B4GALNT3: variants seen among roughly 807,000 people sequenced by gnomAD.
B4GALNT3 encodes the protein beta-1,4-N-acetylgalactosaminyltransferase 3.
In B4GALNT3, 86 loss-of-function variants were observed where a neutral mutation model predicts 120.2. That is an observed-to-expected ratio of 0.72 (90% confidence interval 0.60 to 0.86). The LOEUF (loss-of-function observed/expected upper bound fraction) is 0.86, where lower values mean the gene tolerates loss of function less well. B4GALNT3 is among the 40% of genes least tolerant of loss of function. The pLI is 0.00. For missense variants in B4GALNT3, 1,167 were observed against 1,298.9 expected (o/e 0.90, Z 1.56); for synonymous variants, 518 against 510.4 (o/e 1.01, Z -0.20).
At position 544,215 on chromosome 12, in the gene B4GALNT3, GT is replaced by G. The variant is rs1380626697; in HGVS notation, c.352-123del. ...GCTGAGGCTCTGGGGAGGGCATGGG[GT>G]GCTCATCCTCCTGGAGCTGAGGGTC... On this transcript the variant is annotated intron_variant, in intron 3 of 19. Coordinates refer to ENST00000266383, the MANE Select transcript of B4GALNT3 (RefSeq NM_173593.4). 6.8e-5 allele frequency: 54 copies of G among 796,336 alleles called. No individual in the cohort carries two copies. In the Middle Eastern group the frequency reaches 1.0e-3, roughly 15 times the overall value. 49.3% of individuals were successfully genotyped at this position (796,336 alleles called of 1,614,324 possible).
chr12:550,697 C>T lies in B4GALNT3; in HGVS notation c.998-225C>T, dbSNP rs919073342. ...CAGTGACTCTAAGATCAAACGGTGC[C>T]TTGTACCTGGGGCTGTGTGCTGAGT... On this transcript the variant is annotated intron_variant, in intron 10 of 19. Transcript: ENST00000266383. The surrounding 1 kb of genome is among the most constrained non-coding windows in gnomAD (Gnocchi z 4.1). 3.9e-5 allele frequency among the ~76,000 whole-genome samples: 6 copies of T among 152,138 alleles called. No homozygotes were observed. The highest frequency in any genetic ancestry group is 5.9e-5 in the Non-Finnish European group (4 of 68,022).
chr12:542,940 A>G (rs1024715430), intron 3 of B4GALNT3, among the ~76,000 whole-genome samples: 8 of 151,940 alleles, frequency 5.3e-5, no homozygotes, highest in Admixed American at 4.6e-4. Flanking sequence ...ATAAGGTTTC[A>G]CCGGCAGACA....
intron 3 of B4GALNT3, among the ~76,000 whole-genome samples, chr12:537,017 A>C (rs1427387898): frequency 6.6e-6 from 1 of 152,248 alleles, no homozygotes; most frequent in Non-Finnish European, 1.5e-5. Context: ...AATGTACATT[A>C]GCATATGAAA....
At chr12:555,987 A>G (rs7315429) in intron 14 of B4GALNT3, among the ~76,000 whole-genome samples, 29,235 of 149,764 alleles carry the variant, frequency 0.2, 4,697 homozygotes, top group African/African-American at 0.44. Context: ...GTTTCACCAT[A>G]TTAGCCAGGC....
At chr12:512,276 C>CCTTCCACCTT (rs1592032989) in intron 1 of B4GALNT3, among the ~76,000 whole-genome samples, 1 of 101,164 alleles carries the variant, frequency 9.9e-6, no homozygotes, top group African/African-American at 5.4e-5. Context: ...CCTTCTTCCA[C>CCTTCCACCTT]CTTCCACCTT....
intron 1 of B4GALNT3, among the ~76,000 whole-genome samples, chr12:488,696 T>G (rs1042473933): frequency 1.3e-5 from 2 of 152,098 alleles, no homozygotes; most frequent in African/African-American, 4.8e-5. Flanking sequence ...GGCACATGCA[T>G]GTAGCTCCAG....
At chr12:476,351 G>C (rs532249998) in intron 1 of B4GALNT3, among the ~76,000 whole-genome samples, 1 of 152,302 alleles carries the variant, frequency 6.6e-6, no homozygotes, top group East Asian at 1.9e-4. Context: ...TTAGAGGTTA[G>C]AGGCTGAGGT....
At position 544,452 on chromosome 12, in the gene B4GALNT3, G is replaced by C. The variant is rs936151950; in HGVS notation, c.447+18G>C. ...ACCCCCATGTGAGTGCCTGAGGGCT[G>C]CCTTGCCCACCTCCCTCCACACCTG... On this transcript the variant is annotated intron_variant, in intron 4 of 19. Coordinates refer to ENST00000266383, the MANE Select transcript of B4GALNT3 (RefSeq NM_173593.4). The C allele has an allele frequency of 1.9e-6, 3 of 1,608,256 alleles. No homozygotes were observed. The highest frequency in any genetic ancestry group is 1.7e-5 in the Admixed American group (1 of 59,942).
Position 539,611 on chromosome 12 carries a change from G to T in B4GALNT3, c.351+3316G>T, listed in dbSNP as rs181169221. Among the ~76,000 whole-genome samples, 147 of 151,742 alleles carry T rather than the reference G, an allele frequency of 9.7e-4. 1 individual carries two copies. Among genetic ancestry groups the T allele is most frequent in the African/African-American group, 3.3e-3 (135 of 41,308 alleles). On this transcript the variant is annotated intron_variant, in intron 3 of 19. Coordinates refer to ENST00000266383, the MANE Select transcript of B4GALNT3 (RefSeq NM_173593.4). The stretch of plus-strand genomic sequence containing the variant: ...ACCATACACTTCACCCATACACTTC[G>T]TTTAAAGTGTACAATTCAAGGCTGG...
At chr12:552,419 A>C in intron 12 of B4GALNT3, 48 bp from the exon 13 acceptor site, 86 of 1,569,916 alleles carry the variant, frequency 5.5e-5, no homozygotes, top group Non-Finnish European at 7.4e-5. Flanking sequence ...GCCAGGGCTG[A>C]GCCCGCCATG....
At chr12:513,265 T>C (rs1946617291) in intron 1 of B4GALNT3, among the ~76,000 whole-genome samples, 1 of 152,212 alleles carries the variant, frequency 6.6e-6, no homozygotes, top group Non-Finnish European at 1.5e-5. Context: ...AGGGCAAATC[T>C]GTAGAGTAAA....
At position 557,679 on chromosome 12, in the gene B4GALNT3, C is replaced by G; in HGVS notation, c.2452C>G (p.Pro818Ala). 6.2e-7 allele frequency: 1 copy of G among 1,609,664 alleles called. No homozygotes were observed. Among genetic ancestry groups the G allele is most frequent in the East Asian group, 2.2e-5 (1 of 44,742 alleles). Reference sequence around the variant, plus strand: ...AAACCTGTTCCAGGTCACCGGTGACCCACACTTCAACATCGTCATCACTGA... The same window carrying G: ...AAACCTGTTCCAGGTCACCGGTGACGCACACTTCAACATCGTCATCACTGA... ...MENLFQVTGD[P>A]HFNIVITDYS... Residue 818 changes from proline (P) to alanine (A), a missense_variant, in exon 16 of 20, where the codon CCA (proline) becomes GCA (alanine). Coordinates refer to ENST00000266383, the MANE Select transcript of B4GALNT3 (RefSeq NM_173593.4).
chr12:527,755 G>A (rs1946770450), intron 1 of B4GALNT3, among the ~76,000 whole-genome samples: 1 of 152,194 alleles, frequency 6.6e-6, no homozygotes, highest in Non-Finnish European at 1.5e-5. Flanking sequence ...GAGCTTGGGA[G>A]CCAGGAAGAG....
At chr12:529,563 T>C (rs1946787811) in intron 1 of B4GALNT3, among the ~76,000 whole-genome samples, 1 of 152,248 alleles carries the variant, frequency 6.6e-6, no homozygotes, top group African/African-American at 2.4e-5. Context: ...TGGAGATATA[T>C]ATCGGGCTCC....
chr12:470,314 C>T (rs1946123456), intron 1 of B4GALNT3, among the ~76,000 whole-genome samples: 1 of 152,364 alleles, frequency 6.6e-6, no homozygotes, highest in Non-Finnish European at 1.5e-5. Context: ...AGATTAAAGG[C>T]CTCCCTGCTG....
intron 1 of B4GALNT3, among the ~76,000 whole-genome samples, chr12:509,960 C>A (rs865778787): frequency 6.6e-6 from 1 of 152,240 alleles, no homozygotes; most frequent in Non-Finnish European, 1.5e-5. Flanking sequence ...CCCTACGAGA[C>A]CTGCTGTGTC....
intron 1 of B4GALNT3, among the ~76,000 whole-genome samples, chr12:522,838 G>C (rs4980931): frequency 0.5 from 75,006 of 150,654 alleles, 19,489 homozygotes; most frequent in Non-Finnish European, 0.6. Flanking sequence ...CCTGGGAGCT[G>C]AGGTGGGATG....
chr12:548,212 CCT>C lies in B4GALNT3; in HGVS notation c.787-11_787-10del. On this transcript the variant is annotated splice_polypyrimidine_tract_variant and intron_variant, in intron 8 of 19. Transcript: ENST00000266383. This position sits in a 1 kb window ranked among gnomAD's most constrained non-coding sequence, Gnocchi z 4.9. Reference sequence around the variant, plus strand: ...GCTACCTCCCACCTTCTGCATCTACCCTCTCTCTCCTCTTCCAGTGGCGACGG... The same window carrying C: ...GCTACCTCCCACCTTCTGCATCTACCCTCTCTCCTCTTCCAGTGGCGACGG... The C allele has an allele frequency of 6.2e-7, 1 of 1,612,764 alleles. No homozygotes were observed. The highest frequency in any genetic ancestry group is 8.5e-7 in the Non-Finnish European group (1 of 1,178,724).
intron 1 of B4GALNT3, among the ~76,000 whole-genome samples, chr12:528,134 T>G (rs958732046): frequency 2.6e-5 from 4 of 152,208 alleles, no homozygotes; most frequent in African/African-American, 9.7e-5. Context: ...AAATACTGGC[T>G]CGGTCACCTA....
Sources: gnomAD v4.1 joint callset for allele counts (sites outside exome capture counted in the v4.1 genomes callset) on GRCh38, gnomAD v4.1.1 for gene constraint, Gnocchi (gnomAD v3.1) non-coding constraint, MANE v1.5 for transcripts, NCBI Gene and HGNC (gene_info 2026-07-23, HGNC 2026-07-21) for gene names.